The following SYNCRIP variants were observed in gnomAD, a reference collection of about 807,000 sequenced individuals.
The protein encoded by SYNCRIP is synaptotagmin binding cytoplasmic RNA interacting protein.
In SYNCRIP, 9 loss-of-function variants were observed where a neutral mutation model predicts 68.9. The observed-to-expected ratio is 0.13, with a 90% CI of 0.08 to 0.23. The LOEUF (loss-of-function observed/expected upper bound fraction) is 0.23, where lower values mean the gene tolerates loss of function less well. Ranked by LOEUF, SYNCRIP falls within the 10% of genes least tolerant of loss-of-function variation. SYNCRIP has a pLI of 1.00. For synonymous variants in SYNCRIP, 258 were observed against 254.0 expected (o/e 1.02, Z -0.15); for missense variants, 414 against 770.6 (o/e 0.54, Z 5.48).
intron 2 of SYNCRIP, 92 bp downstream of exon 2, chr6:85,641,200 A>AT: frequency 9.4e-7 from 1 of 1,058,996 alleles, no homozygotes; most frequent in South Asian, 1.5e-5. Flanking sequence ...ACCCACACTT[A>AT]TTGGAAACCA....
At chr6:85,623,496 A>C (rs1011673650) in intron 7 of SYNCRIP, among the ~76,000 whole-genome samples, 5 of 142,918 alleles carry the variant, frequency 3.5e-5, no homozygotes, top group Non-Finnish European at 6.0e-5. Flanking sequence ...TCTGGGAGGC[A>C]GAGGCTGCAG....
At position 85,614,967 on chromosome 6, in the gene SYNCRIP, C is replaced by A. The variant is rs1805598527; in HGVS notation, c.1661G>T (p.Arg554Met). 1.9e-6 allele frequency: 3 copies of A among 1,613,688 alleles called. No homozygotes were observed. Among genetic ancestry groups the A allele is most frequent in the Non-Finnish European group, 8.5e-7 (1 of 1,179,860 alleles). The change falls in exon 11 of 11, where the codon AGG (arginine) becomes ATG (methionine). Residue 554 changes from arginine (R) to methionine (M), a missense_variant. By Grantham distance (91) the Arg-to-Met change is moderately conservative (BLOSUM62 -1). This residue lies in a region of SYNCRIP where 130 missense variants were observed against 149.0 expected (regional missense o/e 0.87). Coordinates refer to ENST00000369622, the MANE Select transcript of SYNCRIP (RefSeq NM_006372.5). The stretch of plus-strand genomic sequence containing the variant: ...TCCTACATTTCCACCGCGGCCACCC[C>A]TCGCACCACGTACCCCGCGGCCTCT... ...QQRGRGVRGARGGRGGNVGGK... is the reference protein window; with the variant it reads ...QQRGRGVRGAMGGRGGNVGGK...
intron 6 of SYNCRIP, among the ~76,000 whole-genome samples, chr6:85,633,328 G>A (rs567354963): frequency 6.6e-6 from 1 of 151,864 alleles, no homozygotes; most frequent in Non-Finnish European, 1.5e-5. Context: ...TGGGTGTGGT[G>A]GCTCACACCT....
Position 85,619,416 on chromosome 6 carries a change from A to G in SYNCRIP, c.1010T>C (p.Val337Ala), listed in dbSNP as rs1806138848. 6.2e-7 allele frequency: 1 copy of G among 1,610,124 alleles called. No individual in the cohort carries two copies. The highest frequency in any genetic ancestry group is 1.7e-5 in the Admixed American group (1 of 58,568). Residue 337 changes from valine (V) to alanine (A), a missense_variant and splice_region_variant, in exon 9 of 11, where the codon GTA becomes GCA. Around this residue, in one of 6 missense-constraint regions of SYNCRIP, gnomAD observed 51 missense variants for 151.1 expected, o/e 0.34. Coordinates refer to ENST00000369622, the MANE Select transcript of SYNCRIP (RefSeq NM_006372.5). ...AAGGTTGCGTACAAACAGCACTTTT[A>G]CCTAGGGGGAAGAAAATACCCCCCT... ...EDPDPEVMAK[V>A]KVLFVRNLAN... is the part of the protein sequence containing the mutation.
At chr6:85,631,081 G>A (rs1385630683) in intron 6 of SYNCRIP, among the ~76,000 whole-genome samples, 1 of 152,068 alleles carries the variant, frequency 6.6e-6, no homozygotes, top group African/African-American at 2.4e-5. Flanking sequence ...GGTGGCTCAC[G>A]CCTGTAATCC....
chr6:85,642,531 G>A (rs1406873989), intron 1 of SYNCRIP, among the ~76,000 whole-genome samples: 2 of 152,136 alleles, frequency 1.3e-5, no homozygotes, highest in South Asian at 2.1e-4. Context: ...CTCTGAAGCC[G>A]CTCGCGGTCC....
At position 85,623,958 on chromosome 6, in the gene SYNCRIP, C is replaced by T; in HGVS notation, c.802+19G>A. The T allele has an allele frequency of 6.2e-7, 1 of 1,613,158 alleles. No homozygotes were observed. The highest frequency in any genetic ancestry group is 8.5e-7 in the Non-Finnish European group (1 of 1,179,582). On this transcript the variant is annotated intron_variant, in intron 7 of 10. Coordinates refer to ENST00000369622, the MANE Select transcript of SYNCRIP (RefSeq NM_006372.5). ...TCATTATTAAAAGCTGCACCTCATT[C>T]CAAATAAATCCAACTTACCTGTTAC...
At chr6:85,637,984 CT>C (rs1249137497) in intron 4 of SYNCRIP, among the ~76,000 whole-genome samples, 1 of 152,186 alleles carries the variant, frequency 6.6e-6, no homozygotes, top group Non-Finnish European at 1.5e-5. Flanking sequence ...TACATAACCT[CT>C]ACATTTTAAC....
At chr6:85,628,246 G>A (rs1410059630) in intron 6 of SYNCRIP, among the ~76,000 whole-genome samples, 1 of 152,042 alleles carries the variant, frequency 6.6e-6, no homozygotes, top group Non-Finnish European at 1.5e-5. Flanking sequence ...AGTAGAGACA[G>A]GGTTTCACCA....
chr6:85,631,806 T>C lies in SYNCRIP; in HGVS notation c.666+5161A>G, dbSNP rs1246211640. On this transcript the variant is annotated intron_variant, in intron 6 of 10. Transcript: ENST00000369622. ...ACCTGGCATCAAACTAGGGCTGGGATGTTTAGCTGTATGGCCTCAGGCAAG... is the reference window on the plus strand; with the variant it reads ...ACCTGGCATCAAACTAGGGCTGGGACGTTTAGCTGTATGGCCTCAGGCAAG... Among the ~76,000 whole-genome samples the C allele has an allele frequency of 1.7e-4, 26 of 152,164 alleles. 1 individual carries two copies. Among genetic ancestry groups the C allele is most frequent in the Non-Finnish European group, 7.4e-5 (5 of 68,026 alleles).
intron 4 of SYNCRIP, among the ~76,000 whole-genome samples, chr6:85,639,469 C>T (rs868657344): frequency 1.3e-5 from 2 of 152,142 alleles, no homozygotes; most frequent in Non-Finnish European, 2.9e-5. Context: ...ACTCCATATA[C>T]CAACCTTTTC....
At chr6:85,620,664 T>C (rs1806285310) in intron 8 of SYNCRIP, among the ~76,000 whole-genome samples, 1 of 152,210 alleles carries the variant, frequency 6.6e-6, no homozygotes, top group South Asian at 2.1e-4. Context: ...GTAATCAATC[T>C]ACGTCCATCA....
intron 6 of SYNCRIP, among the ~76,000 whole-genome samples, chr6:85,627,326 A>G (rs1279425278): frequency 1.3e-5 from 2 of 152,074 alleles, no homozygotes; most frequent in African/African-American, 4.8e-5. Flanking sequence ...CAGAGAGTCA[A>G]CTGGCTCTCC....
At chr6:85,623,881 C>A in intron 7 of SYNCRIP, 96 bp downstream of exon 7, 1 of 1,443,918 alleles carries the variant, frequency 6.9e-7, no homozygotes, top group Non-Finnish European at 9.5e-7. Flanking sequence ...TTCGATGAGT[C>A]AATAAATGTA....
intron 8 of SYNCRIP, among the ~76,000 whole-genome samples, chr6:85,619,954 T>C (rs1806201423): frequency 6.6e-6 from 1 of 152,156 alleles, no homozygotes; most frequent in Non-Finnish European, 1.5e-5. Flanking sequence ...TATTTGTAAC[T>C]GCCAAAAATT....
intron 6 of SYNCRIP, among the ~76,000 whole-genome samples, chr6:85,632,448 C>T (rs902515774): frequency 2.0e-5 from 3 of 152,264 alleles, no homozygotes; most frequent in East Asian, 1.9e-4. Flanking sequence ...CCAAAGTATG[C>T]GCCCTTGAGG....
At chr6:85,609,573 CTTCA>C (rs1805091186), downstream of SYNCRIP, 1 of 151,872 alleles carries the variant, frequency 6.6e-6, no homozygotes, top group South Asian at 2.1e-4. Context: ...TCAATTTTCC[CTTCA>C]TTTTTAACAT....
At chr6:85,623,821 T>C (rs992567259) in intron 7 of SYNCRIP, among the ~76,000 whole-genome samples, 156 bp downstream of exon 7, 12 of 151,930 alleles carry the variant, frequency 7.9e-5, no homozygotes, top group Admixed American at 2.0e-4. Flanking sequence ...ATGCCTGTTC[T>C]TCTTATCTGA....
chr6:85,623,202 A>T (rs1455102473), intron 7 of SYNCRIP, among the ~76,000 whole-genome samples: 6 of 152,190 alleles, frequency 3.9e-5, no homozygotes, highest in Non-Finnish European at 7.3e-5. Flanking sequence ...AATATTTTCT[A>T]AAAGCAACCT....
Sources: allele counts gnomAD v4.1 joint callset (sites outside exome capture counted in the v4.1 genomes callset), GRCh38; gene constraint gnomAD v4.1.1; regional missense constraint gnomAD v4.1.1; transcripts MANE v1.5; gene names NCBI Gene and HGNC (gene_info 2026-07-23, HGNC 2026-07-21).